Variants in TIMM23 observed in about 807,000 individuals in gnomAD.
TIMM23 encodes translocase of inner mitochondrial membrane 23.
In TIMM23, 19 loss-of-function variants were observed where a neutral mutation model predicts 30.7. The ratio of observed to expected loss-of-function variants is 0.62; its 90% CI spans 0.43 to 0.91. The LOEUF (loss-of-function observed/expected upper bound fraction) is 0.91, where lower values mean the gene tolerates loss of function less well. TIMM23 is among the 40% of genes least tolerant of loss of function. The probability of loss-of-function intolerance (pLI) is 0.00; values close to 1 mark genes in which losing one functional copy is unlikely to be tolerated. For synonymous variants in TIMM23, 78 were observed against 98.5 expected (o/e 0.79, Z 1.23); for missense variants, 202 against 269.2 (o/e 0.75, Z 1.75).
intron 2 of TIMM23, among the ~76,000 whole-genome samples, chr10:45,981,456 A>T (rs1243564611): frequency 6.6e-6 from 1 of 151,932 alleles, no homozygotes; most frequent in African/African-American, 2.4e-5. Flanking sequence ...TTATATTATG[A>T]CATGGGATCT....
Position 45,995,221 on chromosome 10 carries a change from T to G in TIMM23, c.514+6374T>G, listed in dbSNP as rs3122280. Among the ~76,000 whole-genome samples the G allele has an allele frequency of 5.8e-3, 888 of 152,012 alleles. 11 individuals carry two copies. Among genetic ancestry groups the G allele is most frequent in the East Asian group, 0.024 (122 of 5,184 alleles). ...GGAGGTGTTCCAGACTATGTTATGT[T>G]ACTACTGCAAGAAGGTCCTTGCCAC... On this transcript the variant is annotated intron_variant, in intron 6 of 6. Transcript: ENST00000580018.
chr10:45,978,038 A>AAAT (rs1837728673), intron 2 of TIMM23, among the ~76,000 whole-genome samples: 22 of 151,784 alleles, frequency 1.4e-4, no homozygotes, highest in South Asian at 6.2e-4. Flanking sequence ...TCTCAAAAAA[A>AAAT]AAATAAAAAA....
chr10:45,992,197 C>CA (rs1838185001), intron 6 of TIMM23, among the ~76,000 whole-genome samples: 1 of 152,164 alleles, frequency 6.6e-6, no homozygotes, highest in Admixed American at 6.5e-5. Context: ...AGGCTGGCCT[C>CA]AAGCAATCCT....
chr10:45,992,626 T>A, intron 6 of TIMM23: 1 of 420,934 alleles, frequency 2.4e-6, no homozygotes. Flanking sequence ...GGCACAATCT[T>A]GGCTCATTAC....
rs1439741679 is a variant in TIMM23, at chr10:45,999,425, AAG to A, written c.515-3772_515-3771del. Among the ~76,000 whole-genome samples, 538 of 152,304 alleles carry A rather than the reference AAG, an allele frequency of 3.5e-3. 2 individuals are homozygous for A. The highest frequency in any genetic ancestry group is 0.012 in the African/African-American group (518 of 41,560). ...TGAGAAATAAAGGGACAGGGTACAA[AAG>A]AGAGAAATTTTAAAGCTGGGCATCC... On this transcript the variant is annotated intron_variant, in intron 6 of 6. Coordinates refer to ENST00000580018, the MANE Select transcript of TIMM23 (RefSeq NM_006327.4).
chr10:45,989,587 G>GT (rs1161541641), intron 6 of TIMM23, among the ~76,000 whole-genome samples: 5 of 151,954 alleles, frequency 3.3e-5, no homozygotes, highest in African/African-American at 7.3e-5. Context: ...TTTTAGTTTA[G>GT]TTTTTTTAAT....
At chr10:46,000,281 C>T (rs1838487125) in intron 6 of TIMM23, among the ~76,000 whole-genome samples, 1 of 152,216 alleles carries the variant, frequency 6.6e-6, no homozygotes, top group South Asian at 2.1e-4. Flanking sequence ...GCAGTAAAGA[C>T]AGGCATAAGA....
chr10:45,987,916 C>G (rs1590120825), intron 5 of TIMM23, among the ~76,000 whole-genome samples: 1 of 152,028 alleles, frequency 6.6e-6, no homozygotes, highest in Admixed American at 6.6e-5. Flanking sequence ...TGTGAGCCAC[C>G]ACACCTGGCT....
chr10:46,001,838 G>T (rs1838547971), intron 6 of TIMM23, among the ~76,000 whole-genome samples: 2 of 152,162 alleles, frequency 1.3e-5, no homozygotes, highest in East Asian at 3.9e-4. Context: ...CATTACGTTT[G>T]TAAGACTAAC....
At chr10:45,979,210 G>A (rs1487397850) in intron 2 of TIMM23, among the ~76,000 whole-genome samples, 1 of 152,180 alleles carries the variant, frequency 6.6e-6, no homozygotes, top group East Asian at 1.9e-4. Flanking sequence ...AGTCTTGGTT[G>A]CACGACTCTG....
At chr10:45,983,454 T>C (rs1837904483) in intron 4 of TIMM23, among the ~76,000 whole-genome samples, 1 of 152,240 alleles carries the variant, frequency 6.6e-6, no homozygotes, top group Non-Finnish European at 1.5e-5. Flanking sequence ...AGTTTTCTGT[T>C]AGAACTTGAA....
At chr10:45,976,409 GA>G (rs587641310) in intron 2 of TIMM23, among the ~76,000 whole-genome samples, 114 of 141,768 alleles carry the variant, frequency 8.0e-4, no homozygotes, top group African/African-American at 2.7e-3. Context: ...CCAGGAGTTT[GA>G]GACCAGCCTG....
At chr10:45,987,362 G>A (rs1264903819) in intron 5 of TIMM23, among the ~76,000 whole-genome samples, 2 of 152,116 alleles carry the variant, frequency 1.3e-5, no homozygotes, top group Non-Finnish European at 2.9e-5. Context: ...CACCAGTTGG[G>A]TGTCCACCTG....
At position 45,975,503 on chromosome 10, in the gene TIMM23, C is replaced by T; in HGVS notation, c.156C>T (p.Tyr52=). 1 of 1,613,888 alleles carries T rather than the reference C, an allele frequency of 6.2e-7. No individual in the cohort carries two copies. The highest frequency in any genetic ancestry group is 8.5e-7 in the Non-Finnish European group (1 of 1,179,850). The part of the protein sequence containing the change: ...LSPYLNVDPR[Y]LVQDTDEFIL... ...CTTATTTAAATGTGGATCCACGATA[C>T]CTCGTGCAGGTAAGATTAAGATTTT... The change falls in exon 2 of 7, where the codon TAC becomes TAT. Residue 52 remains tyrosine (Y), a synonymous_variant. Transcript: ENST00000580018.
At chr10:45,991,101 A>C (rs1236709269) in intron 6 of TIMM23, among the ~76,000 whole-genome samples, 1 of 152,230 alleles carries the variant, frequency 6.6e-6, no homozygotes, top group Non-Finnish European at 1.5e-5. Context: ...GAAATCAGGA[A>C]AATTTCTAGA....
chr10:45,977,754 A>G (rs1837716902), intron 2 of TIMM23, among the ~76,000 whole-genome samples: 1 of 152,232 alleles, frequency 6.6e-6, no homozygotes, highest in Non-Finnish European at 1.5e-5. Context: ...AATGGAGGCC[A>G]GGTGCAGTGG....
chr10:45,993,992 C>T (rs1222557827), intron 6 of TIMM23, among the ~76,000 whole-genome samples: 1 of 152,138 alleles, frequency 6.6e-6, no homozygotes, highest in Non-Finnish European at 1.5e-5. Context: ...TAGAGTGAGA[C>T]TCCATCTTGA....
intron 6 of TIMM23, chr10:45,992,487 GT>G: frequency 6.6e-6 from 3 of 455,586 alleles, no homozygotes; most frequent in Non-Finnish European, 1.3e-5. Context: ...CTCTTTAGAA[GT>G]TTTATAAACA....
In TIMM23 at chr10:45,991,510, G is replaced by C. The variant is rs1242998956; in HGVS notation, c.514+2663G>C. Among the ~76,000 whole-genome samples the C allele has an allele frequency of 2.0e-5, 3 of 152,242 alleles. No homozygotes were observed. In the East Asian group the frequency reaches 5.8e-4, roughly 29 times the overall value. ...CTCATGCCTGTAATCCCAGCACTTT[G>C]GGAGGCTGAGGCGGGTGGATCCCCT... On this transcript the variant is annotated intron_variant, in intron 6 of 6. Coordinates refer to ENST00000580018, the MANE Select transcript of TIMM23 (RefSeq NM_006327.4).
Sources: gnomAD v4.1 joint callset for allele counts (sites outside exome capture counted in the v4.1 genomes callset) on GRCh38, gnomAD v4.1.1 for gene constraint, MANE v1.5 for transcripts, NCBI Gene and HGNC (gene_info 2026-07-23, HGNC 2026-07-21) for gene names.